ATP13A4: variants seen among roughly 807,000 people sequenced by gnomAD.
ATP13A4 encodes ATPase 13A4.
In ATP13A4, 114 loss-of-function variants were observed where a neutral mutation model predicts 142.5. That is an observed-to-expected ratio of 0.80 (90% confidence interval 0.69 to 0.93). The LOEUF (loss-of-function observed/expected upper bound fraction) is 0.93. Ranked by LOEUF, ATP13A4 falls within the 40% of genes least tolerant of loss-of-function variation. ATP13A4 has a pLI of 0.00. For synonymous variants in ATP13A4, 488 were observed against 514.8 expected (o/e 0.95, Z 0.70); for missense variants, 1,392 against 1,454.0 (o/e 0.96, Z 0.69).
intron 9 of ATP13A4, among the ~76,000 whole-genome samples, chr3:193,470,249 G>A (rs1718540878): frequency 6.6e-6 from 1 of 152,142 alleles, no homozygotes; most frequent in Admixed American, 6.5e-5. Context: ...CACCTCTCTG[G>A]ACCTCAGTTG....
intron 1 of ATP13A4, among the ~76,000 whole-genome samples, chr3:193,538,007 G>A (rs921829137): frequency 1.2e-4 from 18 of 152,100 alleles, no homozygotes; most frequent in African/African-American, 4.1e-4. Context: ...GAGTTTCCTC[G>A]CGGTGATGGA....
intron 17 of ATP13A4, among the ~76,000 whole-genome samples, chr3:193,451,105 T>C (rs1717249422): frequency 6.6e-6 from 1 of 152,146 alleles, no homozygotes; most frequent in Non-Finnish European, 1.5e-5. Flanking sequence ...CATGCCTCCT[T>C]TGCTGGCTCT....
rs543025572 is a variant in ATP13A4 at position 193,505,804 on chromosome 3, A to T, written c.235-3165T>A. Among the ~76,000 whole-genome samples, 30 of 152,304 alleles carry T rather than the reference A, an allele frequency of 2.0e-4. No homozygotes were observed. In the South Asian group the frequency reaches 4.8e-3, roughly 24 times the overall value. ...GTGTGAAGTGGTCACTTCAGGCAAA[A>T]TCATTGACTTCTCAGTTTTCATTTT... On this transcript the variant is annotated intron_variant, in intron 2 of 29. Coordinates refer to ENST00000342695, the MANE Select transcript of ATP13A4 (RefSeq NM_032279.4).
intron 1 of ATP13A4, among the ~76,000 whole-genome samples, chr3:193,585,675 G>A (rs1345920331): frequency 1.3e-5 from 2 of 152,004 alleles, no homozygotes; most frequent in African/African-American, 2.4e-5. Context: ...ACATGTATCC[G>A]CAGGTCATTC....
intron 12 of ATP13A4, 130 bp from the exon 13 acceptor site, chr3:193,462,953 T>A: frequency 1.2e-6 from 1 of 849,674 alleles, no homozygotes; most frequent in Non-Finnish European, 1.9e-6. Flanking sequence ...AAGACCAGCC[T>A]GGGCAACATA....
At chr3:193,478,918 C>A (rs190025742) in intron 8 of ATP13A4, among the ~76,000 whole-genome samples, 38 of 152,210 alleles carry the variant, frequency 2.5e-4, no homozygotes, top group African/African-American at 8.2e-4. Context: ...AGATAATCCA[C>A]CATGATCAAG....
At chr3:193,429,929 A>C (rs1173154995) in intron 25 of ATP13A4, among the ~76,000 whole-genome samples, 1 of 152,064 alleles carries the variant, frequency 6.6e-6, no homozygotes, top group Non-Finnish European at 1.5e-5. Flanking sequence ...GTAAGATAAA[A>C]ATAGGTTTTT....
At chr3:193,457,185 T>C (rs200435665) in intron 15 of ATP13A4, 32 bp from the exon 16 acceptor site, 32 of 1,611,968 alleles carry the variant, frequency 2.0e-5, no homozygotes, top group East Asian at 6.7e-5. Context: ...GAGAGGAACA[T>C]GCTGATACAG....
At chr3:193,530,363 T>C (rs1722250721) in intron 1 of ATP13A4, among the ~76,000 whole-genome samples, 1 of 152,158 alleles carries the variant, frequency 6.6e-6, no homozygotes. Context: ...AGGTACAGGT[T>C]CAAAACCAAA....
intron 1 of ATP13A4, chr3:193,554,353 C>A: frequency 3.5e-6 from 1 of 283,976 alleles, no homozygotes; most frequent in Non-Finnish European, 6.8e-6. Flanking sequence ...CTGCTTCTTC[C>A]TATCAGGGAA....
chr3:193,468,814 T>C (rs916412632), intron 9 of ATP13A4, among the ~76,000 whole-genome samples: 1 of 152,198 alleles, frequency 6.6e-6, no homozygotes, highest in African/African-American at 2.4e-5. Flanking sequence ...TGGCAGGTCA[T>C]AGGGACAGAG....
At chr3:193,501,821 A>G (rs373456081) in intron 3 of ATP13A4, among the ~76,000 whole-genome samples, 114 of 152,310 alleles carry the variant, frequency 7.5e-4, no homozygotes, top group African/African-American at 2.6e-3. Flanking sequence ...AGAGGGAGCA[A>G]CCCAAATACA....
intron 1 of ATP13A4, among the ~76,000 whole-genome samples, chr3:193,590,334 T>C (rs147628931): frequency 5.9e-5 from 9 of 152,106 alleles, no homozygotes; most frequent in Non-Finnish European, 1.3e-4. Context: ...ACAGGATCAC[T>C]TGAGTCATGA....
intron 2 of ATP13A4, among the ~76,000 whole-genome samples, chr3:193,565,192 T>G (rs184119076): frequency 6.6e-6 from 1 of 152,196 alleles, no homozygotes; most frequent in South Asian, 2.1e-4. Context: ...TTGTCTTCCA[T>G]GAAACTGGTT....
chr3:193,494,423 T>A (rs1026324008), intron 3 of ATP13A4, among the ~76,000 whole-genome samples: 1 of 152,030 alleles, frequency 6.6e-6, no homozygotes, highest in African/African-American at 2.4e-5. Flanking sequence ...TCAAGTATTT[T>A]TTTCTGACTA....
intron 13 of ATP13A4, among the ~76,000 whole-genome samples, chr3:193,461,799 C>T (rs9857380): frequency 0.24 from 36,364 of 151,996 alleles, 4,523 homozygotes; most frequent in African/African-American, 0.28. Flanking sequence ...CACGGGAGTT[C>T]GTAGTGAGTT....
At chr3:193,408,591 TA>T (rs886481333) in intron 28 of ATP13A4, among the ~76,000 whole-genome samples, 36 of 152,324 alleles carry the variant, frequency 2.4e-4, no homozygotes, top group African/African-American at 8.2e-4. Flanking sequence ...CCCCAACTGT[TA>T]TGCTCAGAAT....
upstream of ATP13A4, among the ~76,000 whole-genome samples, chr3:193,555,525 T>TCACTAAAATATTGATGGTTCAA (rs1394640036): frequency 1.3e-5 from 2 of 152,264 alleles, no homozygotes; most frequent in African/African-American, 4.8e-5. Flanking sequence ...TAGTCTCCTT[T>TCACTAAAATATTGATGGTTCAA]CACTAAAATA....
chr3:193,439,362 G>A (rs781304676), intron 21 of ATP13A4, among the ~76,000 whole-genome samples: 3 of 152,162 alleles, frequency 2.0e-5, no homozygotes, highest in Non-Finnish European at 4.4e-5. Flanking sequence ...TGTAAGTTTG[G>A]CATGGCAGAG....
Sources: gnomAD v4.1 joint callset for allele counts (sites outside exome capture counted in the v4.1 genomes callset) on GRCh38, gnomAD v4.1.1 for gene constraint, MANE v1.5 for transcripts, NCBI Gene and HGNC (gene_info 2026-07-23, HGNC 2026-07-21) for gene names.